Variants in SAXO5 observed in about 807,000 individuals in gnomAD.
SAXO5 encodes stabilizer of axonemal microtubules 5, also known as testis expressed 45.
the SAXO5 span, chr19:7,507,224 C>A: frequency 8.2e-7 from 1 of 1,224,184 alleles, no homozygotes; most frequent in Non-Finnish European, 1.2e-6. Context: ...TATGCTGTCA[C>A]CCTGTCTCAG....
At chr19:7,506,816 C>T in the SAXO5 span, 2 of 497,498 alleles carry the variant, frequency 4.0e-6, no homozygotes, top group Non-Finnish European at 3.6e-6. Context: ...CCTCCTCCCT[C>T]TTCCCCAGCG....
the SAXO5 span, chr19:7,504,113 A>T: frequency 6.6e-7 from 1 of 1,526,488 alleles, no homozygotes; most frequent in South Asian, 1.1e-5. Flanking sequence ...CCCCTTGCCT[A>T]TCCTAAGGGG....
At chr19:7,507,662 A>G in the SAXO5 span, among the ~76,000 whole-genome samples, 2 of 151,738 alleles carry the variant, frequency 1.3e-5, no homozygotes, top group South Asian at 4.2e-4. Flanking sequence ...GCATCTTTGC[A>G]CCACCACCAC....
chr19:7,501,048 G>A, the SAXO5 span: 2 of 1,514,068 alleles, frequency 1.3e-6, no homozygotes, highest in South Asian at 1.2e-5. Context: ...CTGGGACCGG[G>A]AAGAGCGCGT....
the SAXO5 span, chr19:7,506,456 T>G: frequency 4.5e-6 from 2 of 446,230 alleles, no homozygotes; most frequent in African/African-American, 2.1e-5. Context: ...GCCTCTCCCC[T>G]TCATAACTCC....
the SAXO5 span, chr19:7,501,366 C>G: frequency 6.6e-7 from 1 of 1,516,852 alleles, no homozygotes; most frequent in Non-Finnish European, 8.7e-7. Context: ...CCACGACGCG[C>G]GCCCGCAGCC....
At chr19:7,508,355 C>G in the SAXO5 span, 3 of 1,613,898 alleles carry the variant, frequency 1.9e-6, no homozygotes, top group Non-Finnish European at 2.5e-6. Flanking sequence ...GCACGCCTCA[C>G]CAGCGCGGCT....
At chr19:7,507,751 G>T in the SAXO5 span, among the ~76,000 whole-genome samples, 1 of 151,982 alleles carries the variant, frequency 6.6e-6, no homozygotes, top group African/African-American at 2.4e-5. Context: ...GACACCCCTG[G>T]TTTCTCTCCA....
chr19:7,499,813 A>C, the SAXO5 span: 1 of 152,082 alleles, frequency 6.6e-6, no homozygotes, highest in African/African-American at 2.4e-5. Flanking sequence ...TCTCTAAAAA[A>C]AAAAATAGAA....
chr19:7,500,864 G>T, the SAXO5 span: 2 of 1,548,494 alleles, frequency 1.3e-6, no homozygotes, highest in Non-Finnish European at 1.7e-6. Flanking sequence ...GCCCGTGCCC[G>T]ATGTCCCGGC....
the SAXO5 span, among the ~76,000 whole-genome samples, chr19:7,500,210 C>G: frequency 6.6e-6 from 1 of 152,108 alleles, no homozygotes; most frequent in African/African-American, 2.4e-5. Flanking sequence ...GTTAGTTCCC[C>G]ACCCCTGCTG....
At chr19:7,506,055 G>C in the SAXO5 span, 6 of 1,613,876 alleles carry the variant, frequency 3.7e-6, no homozygotes, top group East Asian at 6.7e-5. Context: ...CTACTCAAAC[G>C]CTTCTTCAAG....
At chr19:7,506,950 C>A in the SAXO5 span, 11 of 866,592 alleles carry the variant, frequency 1.3e-5, no homozygotes, top group Non-Finnish European at 2.1e-5. Flanking sequence ...TCAACTTCAG[C>A]GCTGGCCTGG....
At chr19:7,500,390 C>T in the SAXO5 span, among the ~76,000 whole-genome samples, 1 of 152,174 alleles carries the variant, frequency 6.6e-6, no homozygotes, top group Non-Finnish European at 1.5e-5. Flanking sequence ...CAACCTCTGC[C>T]TCCCGGGTTC....
At chr19:7,507,557 G>A in the SAXO5 span, among the ~76,000 whole-genome samples, 3 of 151,424 alleles carry the variant, frequency 2.0e-5, no homozygotes, top group Non-Finnish European at 4.4e-5. Context: ...TCTGGGCTGG[G>A]CAACAGAGCA....
chr19:7,504,093 T>C, the SAXO5 span: 1 of 1,498,658 alleles, frequency 6.7e-7, no homozygotes, highest in East Asian at 2.3e-5. Context: ...TCTCTCTCTC[T>C]CCCCCCATCC....
At chr19:7,501,028 T>A in the SAXO5 span, 27 of 1,524,436 alleles carry the variant, frequency 1.8e-5, no homozygotes, top group Non-Finnish European at 2.4e-5. Flanking sequence ...CTTTTCCCAA[T>A]GGACCCGCGC....
chr19:7,508,236 G>C, the SAXO5 span: 9 of 1,614,010 alleles, frequency 5.6e-6, no homozygotes, highest in East Asian at 2.0e-4. Context: ...GCCCCCTCTG[G>C]GTGGACTGCG....
At chr19:7,504,542 C>T in the SAXO5 span, 4 of 674,202 alleles carry the variant, frequency 5.9e-6, no homozygotes, top group African/African-American at 5.4e-5. Flanking sequence ...CCTGTCTCTA[C>T]TAAAAATACA....
Sources: allele counts gnomAD v4.1 joint callset (sites outside exome capture counted in the v4.1 genomes callset), GRCh38; gene constraint gnomAD v4.1.1; transcripts MANE v1.5; gene names NCBI Gene and HGNC (gene_info 2026-07-23, HGNC 2026-07-21).